ADGRL3: variants seen among roughly 807,000 people sequenced by gnomAD.
ADGRL3 encodes adhesion G protein-coupled receptor L3.
A neutral mutation model predicts 153.5 loss-of-function variants in ADGRL3; 62 were observed. The observed-to-expected ratio is 0.40, with a 90% CI of 0.33 to 0.50. The LOEUF (loss-of-function observed/expected upper bound fraction) is 0.50. ADGRL3 is among the 20% of genes least tolerant of loss of function. The pLI is 0.47. For synonymous variants in ADGRL3, 710 were observed against 672.5 expected, an observed-to-expected ratio of 1.06 and a Z score of -0.86; for missense variants, 1,641 against 1,859.4, an observed-to-expected ratio of 0.88 and a Z score of 2.16.
intron 22 of ADGRL3, among the ~76,000 whole-genome samples, chr4:62,030,326 T>G (rs1330800367): frequency 4.6e-5 from 7 of 151,528 alleles, no homozygotes; most frequent in Non-Finnish European, 1.0e-4. Flanking sequence ...TAGTGGAGGA[T>G]AATAATCTGC....
rs180766155 is a variant in ADGRL3, at chr4:61,544,762, A to G, written c.259+27244A>G. ...TGTTTTCAACATACATTACCAAATAATGGAACCTCTTTCCAATGATTTATG... is the reference window on the plus strand; with the variant it reads ...TGTTTTCAACATACATTACCAAATAGTGGAACCTCTTTCCAATGATTTATG... On this transcript the variant is annotated intron_variant, in intron 4 of 26. Coordinates refer to ENST00000683033, the MANE Select transcript of ADGRL3 (RefSeq NM_001387552.1). 6.6e-5 allele frequency among the ~76,000 whole-genome samples: 10 copies of G among 152,314 alleles called. No individual in the cohort carries two copies. The East Asian group carries it at 1.9e-3, about 29-fold the overall frequency.
intron 4 of ADGRL3, among the ~76,000 whole-genome samples, chr4:61,567,725 A>G (rs2098822186): frequency 6.6e-6 from 1 of 151,776 alleles, no homozygotes; most frequent in Non-Finnish European, 1.5e-5. Context: ...AACAACCCTA[A>G]ATAAAACTAC....
At chr4:61,787,014 G>A (rs1044943939) in intron 8 of ADGRL3, among the ~76,000 whole-genome samples, 2 of 152,052 alleles carry the variant, frequency 1.3e-5, no homozygotes, top group African/African-American at 4.8e-5. Context: ...AAAAGATAAA[G>A]AAAAATTTGA....
intron 3 of ADGRL3, among the ~76,000 whole-genome samples, 191 bp from the exon 4 acceptor site, chr4:61,517,124 G>A (rs566625352): frequency 6.6e-6 from 1 of 150,404 alleles, no homozygotes; most frequent in Non-Finnish European, 1.5e-5. Context: ...AACTAGGATA[G>A]CATTATACTA....
intron 8 of ADGRL3, among the ~76,000 whole-genome samples, chr4:61,763,840 C>T (rs567712532): frequency 6.6e-6 from 1 of 151,870 alleles, no homozygotes; most frequent in Admixed American, 6.6e-5. Context: ...AGTATAATAC[C>T]AAACAAAGCT....
Position 62,074,218 on chromosome 4 carries a change from A to C in ADGRL3, c.*3310A>C, listed in dbSNP as rs1430544355. ...AGTAAGAAGTAAATTTCCGTCAAAC[A>C]GATGTAGTATACCGCTATAATACAG... On this transcript the variant is annotated 3_prime_UTR_variant, in exon 27 of 27. Coordinates refer to ENST00000683033, the MANE Select transcript of ADGRL3 (RefSeq NM_001387552.1). 1 of 152,126 alleles carries C rather than the reference A, an allele frequency of 6.6e-6. No individual in the cohort carries two copies. 9.4% of individuals were successfully genotyped at this position (152,126 alleles called of 1,614,324 possible).
rs1012090941 is a variant in ADGRL3, at chr4:61,767,654, A to G, written c.1399+34100A>G. Among the ~76,000 whole-genome samples the G allele has an allele frequency of 5.9e-5, 9 of 152,232 alleles. 1 individual carries two copies. The highest frequency in any genetic ancestry group is 1.9e-4 in the East Asian group (1 of 5,160). On this transcript the variant is annotated intron_variant, in intron 8 of 26. Coordinates refer to ENST00000683033, the MANE Select transcript of ADGRL3 (RefSeq NM_001387552.1). Reference sequence around the variant, plus strand: ...GGCTGCCAGGTGAGTTGAACAGTCCAATTTTCAGTGGGGTCCCACACAGAT... The same window carrying G: ...GGCTGCCAGGTGAGTTGAACAGTCCGATTTTCAGTGGGGTCCCACACAGAT...
chr4:61,381,817 T>C (rs544862662), intron 1 of ADGRL3, among the ~76,000 whole-genome samples: 4 of 151,972 alleles, frequency 2.6e-5, no homozygotes, highest in African/African-American at 9.6e-5. Flanking sequence ...ATTTAAGCAG[T>C]TGATTAAAAA....
chr4:61,280,273 C>A (rs1262233039), intron 1 of ADGRL3, among the ~76,000 whole-genome samples: 1 of 151,676 alleles, frequency 6.6e-6, no homozygotes, highest in Non-Finnish European at 1.5e-5. Flanking sequence ...CCATGCCTGG[C>A]TAATTTTTGT....
intron 2 of ADGRL3, among the ~76,000 whole-genome samples, chr4:61,398,430 CTT>C (rs5858698): frequency 6.1e-4 from 91 of 149,376 alleles, no homozygotes; most frequent in African/African-American, 1.5e-3. Flanking sequence ...GATCAGTTAT[CTT>C]TTTTTTTTTC....
chr4:61,247,874 AG>A (rs1261949221), intron 1 of ADGRL3, among the ~76,000 whole-genome samples: 1 of 152,112 alleles, frequency 6.6e-6, no homozygotes, highest in East Asian at 1.9e-4. Context: ...GATACTTTAT[AG>A]TAACCAAGGA....
At chr4:61,763,190 C>CTTT (rs771693851) in intron 8 of ADGRL3, among the ~76,000 whole-genome samples, 2,922 of 137,246 alleles carry the variant, frequency 0.021, 50 homozygotes, top group East Asian at 0.088. Context: ...AGTAACATTT[C>CTTT]TTTTTTTTTT....
At chr4:61,674,430 A>G (rs1006450231) in intron 5 of ADGRL3, among the ~76,000 whole-genome samples, 4 of 151,704 alleles carry the variant, frequency 2.6e-5, no homozygotes, top group African/African-American at 9.7e-5. Flanking sequence ...AAGAGTAGAT[A>G]TTGCTTCTAA....
At chr4:61,774,636 A>C (rs1446361267) in intron 8 of ADGRL3, among the ~76,000 whole-genome samples, 1 of 152,128 alleles carries the variant, frequency 6.6e-6, no homozygotes, top group Non-Finnish European at 1.5e-5. Context: ...TACTATGTGG[A>C]TACAGAAAGA....
chr4:61,294,020 T>TA (rs2094319408), intron 1 of ADGRL3, among the ~76,000 whole-genome samples: 1 of 152,164 alleles, frequency 6.6e-6, no homozygotes, highest in Non-Finnish European at 1.5e-5. Context: ...GTCCCCAACT[T>TA]ACAGTGGTTC....
intron 5 of ADGRL3, 141 bp from the exon 6 acceptor site, chr4:61,676,682 TTTC>T (rs2095206410): frequency 3.2e-6 from 2 of 625,830 alleles, no homozygotes; most frequent in East Asian, 5.3e-5. Context: ...CTACAGATAT[TTTC>T]TTAATAGGCC....
At chr4:61,960,280 C>G (rs1288784360) in intron 17 of ADGRL3, among the ~76,000 whole-genome samples, 1 of 151,998 alleles carries the variant, frequency 6.6e-6, no homozygotes, top group Non-Finnish European at 1.5e-5. Context: ...GAGCAGAGTC[C>G]TGAAGGAAGT....
At chr4:62,063,743 C>T in intron 25 of ADGRL3, 1 of 493,324 alleles carries the variant, frequency 2.0e-6, no homozygotes, top group Non-Finnish European at 3.6e-6. Flanking sequence ...TGGAAGCAGA[C>T]CTGCAGACTC....
chr4:61,297,144 T>G (rs1296571631), intron 1 of ADGRL3, among the ~76,000 whole-genome samples: 1 of 152,230 alleles, frequency 6.6e-6, no homozygotes, highest in Non-Finnish European at 1.5e-5. Context: ...TGTTTGATGT[T>G]GTCTGTTGCA....
Sources: gnomAD v4.1 joint callset for allele counts (sites outside exome capture counted in the v4.1 genomes callset) on GRCh38, gnomAD v4.1.1 for gene constraint, MANE v1.5 for transcripts, NCBI Gene and HGNC (gene_info 2026-07-23, HGNC 2026-07-21) for gene names.